IDS: variants seen among roughly 807,000 people sequenced by gnomAD.
IDS encodes iduronate 2-sulfatase.
IDS carries 1 observed loss-of-function variant against 33.5 expected under a neutral mutation model. That is an observed-to-expected ratio of 0.03 (90% CI 0.01 to 0.14). IDS has a LOEUF of 0.14. IDS is among the 10% of genes least tolerant of loss of function. The probability of loss-of-function intolerance (pLI) is 1.00; values close to 1 mark genes in which losing one functional copy is unlikely to be tolerated. For missense variants in IDS, 328 were observed against 448.0 expected (o/e 0.73, Z 2.42); for synonymous variants, 191 against 184.4 (o/e 1.04, Z -0.29).
intron 7 of IDS, among the ~76,000 whole-genome samples, chrX:149,489,751 G>A (rs1240382221): frequency 9.0e-6 from 1 of 111,389 alleles, no homozygotes; most frequent in African/African-American, 3.3e-5. Context: ...GGAAACGGGG[G>A]GAGCTGCTGT....
chrX:149,490,208 C>G, intron 7 of IDS, 106 bp downstream of exon 7: 1 of 816,819 alleles, frequency 1.2e-6, no homozygotes, highest in Non-Finnish European at 1.8e-6. Flanking sequence ...ACCACTGGTT[C>G]ACAAAAGAGA....
At position 149,478,402 on chromosome X, in the gene IDS, C is replaced by T. The variant is rs2089277688; in HGVS notation, c.*4344G>A. The T allele has an allele frequency of 9.0e-6, 1 of 111,189 alleles. No individual in the cohort carries two copies. The highest frequency in any genetic ancestry group is 3.3e-5 in the African/African-American group (1 of 30,525). The allele number at this position is 111,189 out of a possible 1,213,427, so 9.2% of individuals were successfully genotyped here. A position where few individuals can be genotyped will look rare whatever the true frequency, so the allele number is the denominator to read the frequency against. On this transcript the variant is annotated 3_prime_UTR_variant, in exon 9 of 9. Transcript: ENST00000340855. ...ATGAATGGATAAGCGGAACGTGGTACATACATTTCAGTCCAAAAAAAAAAA... is the reference window on the plus strand; with the variant it reads ...ATGAATGGATAAGCGGAACGTGGTATATACATTTCAGTCCAAAAAAAAAAA...
chrX:149,499,951 G>A (rs1557339766), intron 4 of IDS, among the ~76,000 whole-genome samples: 2 of 111,288 alleles, frequency 1.8e-5, no homozygotes, highest in Non-Finnish European at 3.8e-5. Context: ...AAAGACCGAG[G>A]GGCTGTGTCA....
intron 6 of IDS, among the ~76,000 whole-genome samples, chrX:149,493,142 T>TGG (rs1557338913): frequency 9.0e-6 from 1 of 110,806 alleles, no homozygotes; most frequent in Non-Finnish European, 1.9e-5. Flanking sequence ...GCTGAAGGGG[T>TGG]AGTTCTGGAG....
chrX:149,479,981 AG>A lies in IDS; in HGVS notation c.*2764del, dbSNP rs1164318005. 1.0e-3 allele frequency: 263 copies of A among 260,607 alleles called. No individual in the cohort carries two copies. The highest frequency in any genetic ancestry group is 2.1e-3 in the Middle Eastern group (2 of 957). The allele number at this position is 260,607 out of a possible 1,213,427, so 21.5% of individuals were successfully genotyped here. A position where few individuals can be genotyped will look rare whatever the true frequency, so the allele number is the denominator to read the frequency against. ...CACAAAAACCTCAGCCTCCTTCGGG[AG>A]GGGGGGAGCTTGGTAGTGAAAAATG... On this transcript the variant is annotated 3_prime_UTR_variant, in exon 9 of 9. Coordinates refer to ENST00000340855, the MANE Select transcript of IDS (RefSeq NM_000202.8).
chrX:149,487,414 T>C lies in IDS; in HGVS notation c.1007-316A>G, dbSNP rs782161483. 8.9e-4 allele frequency: 539 copies of C among 604,015 alleles called. 1 individual carries two copies. In the African/African-American group the frequency reaches 0.01, roughly 11 times the overall value. The allele number at this position is 604,015 out of a possible 1,213,427, so 49.8% of individuals were successfully genotyped here. A position where few individuals can be genotyped will look rare whatever the true frequency, so the allele number is the denominator to read the frequency against. ...AGGACTCTGTGGCGGTTCCCACACA[T>C]GCGTTCCTCCCCTGCTAAGACATGC... On this transcript the variant is annotated intron_variant, in intron 7 of 8. Transcript: ENST00000340855.
chrX:149,490,416 C>T lies in IDS; in HGVS notation c.904G>A (p.Ala302Thr). 1 of 1,210,566 alleles carries T rather than the reference C, an allele frequency of 8.3e-7. No homozygotes were observed. The highest frequency in any genetic ancestry group is 3.0e-5 in the East Asian group (1 of 33,818). ...FQRKIRQSYFASVSYLDTQVG... is the reference protein window; with the variant it reads ...FQRKIRQSYFTSVSYLDTQVG... ...TGTGTATCCAAATATGACACAGAGG[C>T]AAAGTAGCTCTGGCGGATTTTCCGC... is the stretch of plus-strand genomic sequence containing the variant. Residue 302 changes from alanine to threonine, a missense_variant, in exon 7 of 9, where the codon GCC (alanine) becomes ACC (threonine). Physicochemically the swap from Ala to Thr is moderately conservative, Grantham distance 58. This residue lies in a region of IDS where 265 missense variants were observed against 339.2 expected (regional missense o/e 0.78). Coordinates refer to ENST00000340855, the MANE Select transcript of IDS (RefSeq NM_000202.8).
At chrX:149,496,214 G>C in intron 6 of IDS, 132 bp downstream of exon 6, 1 of 639,696 alleles carries the variant, frequency 1.6e-6, no homozygotes, top group South Asian at 2.3e-5. Flanking sequence ...CCAGCACTTT[G>C]CCTGATAACT....
chrX:149,489,305 G>A (rs782749141), intron 7 of IDS, among the ~76,000 whole-genome samples: 12 of 112,552 alleles, frequency 1.1e-4, no homozygotes, highest in Admixed American at 6.5e-4. Context: ...ACCAGGGAAC[G>A]TTAACAGTAC....
rs1236970669 is a variant in IDS at position 149,481,792 on chromosome X, A to G, written c.*954T>C. ...AGTCCTCAAAATAATTTAGAATTTAATGTTTTCTTTAATAAGCAATTAAAA... is the reference window on the plus strand; with the variant it reads ...AGTCCTCAAAATAATTTAGAATTTAGTGTTTTCTTTAATAAGCAATTAAAA... On this transcript the variant is annotated 3_prime_UTR_variant, in exon 9 of 9. Transcript: ENST00000340855. The G allele has an allele frequency of 8.9e-6, 1 of 112,462 alleles. No homozygotes were observed. The highest frequency in any genetic ancestry group is 3.2e-5 in the African/African-American group (1 of 30,924). The allele number at this position is 112,462 out of a possible 1,213,427, so 9.3% of individuals were successfully genotyped here.
At chrX:149,484,468 T>G (rs1029524609) in intron 8 of IDS, among the ~76,000 whole-genome samples, 1 of 112,191 alleles carries the variant, frequency 8.9e-6, no homozygotes. Context: ...ATTACAGGCA[T>G]GCACCGCCAC....
At chrX:149,498,454 G>A (rs184732477) in intron 4 of IDS, 147 bp from the exon 5 acceptor site, 63 of 485,010 alleles carry the variant, frequency 1.3e-4, no homozygotes, top group African/African-American at 1.3e-3. Flanking sequence ...GTAGAACTAA[G>A]ACAGAAAAGG....
chrX:149,490,506 AATGCTTGCC>A, intron 6 of IDS, 66 bp from the exon 7 acceptor site: 1 of 1,103,057 alleles, frequency 9.1e-7, no homozygotes, highest in African/African-American at 1.8e-5. Flanking sequence ...ATACAGAGAT[AATGCTTGCC>A]TGTGCATCTC....
chrX:149,490,545 G>A (rs1329243540), intron 6 of IDS, 105 bp from the exon 7 acceptor site: 11 of 828,239 alleles, frequency 1.3e-5, no homozygotes, highest in Non-Finnish European at 1.8e-5. Flanking sequence ...CTACCCCTTA[G>A]TTGATGCCCT....
At chrX:149,490,477 C>A in intron 6 of IDS, 37 bp from the exon 7 acceptor site, 1 of 1,199,017 alleles carries the variant, frequency 8.3e-7, no homozygotes, top group Non-Finnish European at 1.1e-6. Flanking sequence ...AGAGTGACTG[C>A]AATTTAAATT....
In IDS at chrX:149,482,429, G is replaced by T. The variant is rs189108448; in HGVS notation, c.*317C>A. The T allele has an allele frequency of 3.1e-4, 83 of 267,437 alleles. No individual in the cohort carries two copies. The highest frequency in any genetic ancestry group is 2.1e-3 in the African/African-American group (77 of 36,013). 22.0% of individuals were successfully genotyped at this position (267,437 alleles called of 1,213,427 possible). On this transcript the variant is annotated 3_prime_UTR_variant, in exon 9 of 9. Coordinates refer to ENST00000340855, the MANE Select transcript of IDS (RefSeq NM_000202.8). ...ATGTTATGTTTGGTTATTATGTATG[G>T]TCTTCGTATCCAAAGGTATGACATA... is the stretch of plus-strand genomic sequence containing the variant.
chrX:149,501,986 T>C, intron 3 of IDS: 1 of 253,309 alleles, frequency 3.9e-6, no homozygotes. Flanking sequence ...CTTCATGTCT[T>C]CCTTGGGAAA....
intron 5 of IDS, among the ~76,000 whole-genome samples, chrX:149,497,464 C>T (rs1017050469): frequency 8.9e-6 from 1 of 112,272 alleles, no homozygotes; most frequent in African/African-American, 3.2e-5. Context: ...CCAATCAAAG[C>T]AAGATACCTG....
chrX:149,503,224 T>C (rs781827919), intron 3 of IDS, 88 bp downstream of exon 3: 1 of 1,169,257 alleles, frequency 8.6e-7, no homozygotes. Context: ...AAGAGGGCTC[T>C]GCAAAGACAG....
Sources: gnomAD v4.1 joint callset for allele counts (sites outside exome capture counted in the v4.1 genomes callset) on GRCh38, gnomAD v4.1.1 for gene constraint, gnomAD v4.1.1 regional missense constraint, MANE v1.5 for transcripts, NCBI Gene and HGNC (gene_info 2026-07-23, HGNC 2026-07-21) for gene names.